Variants in KCNQ1 observed in about 807,000 individuals in gnomAD.
KCNQ1 encodes potassium voltage-gated channel subfamily KQT member 1.
A neutral mutation model predicts 72.4 loss-of-function variants in KCNQ1; 49 were observed. That is an observed-to-expected ratio of 0.68 (90% CI 0.54 to 0.86). The LOEUF (loss-of-function observed/expected upper bound fraction) is 0.86, where lower values mean the gene tolerates loss of function less well. Among genes scored for constraint, KCNQ1 ranks in the 40% least tolerant of loss-of-function variants. KCNQ1 has a pLI of 0.00. For missense variants in KCNQ1, 790 were observed against 945.1 expected, an observed-to-expected ratio of 0.84 and a Z score of 2.15; for synonymous variants, 450 against 412.6, an observed-to-expected ratio of 1.09 and a Z score of -1.10.
rs946573009 is a variant in KCNQ1, at chr11:2,491,943, GA to G, written c.387-35978del. On this transcript the variant is annotated intron_variant, in intron 1 of 15. Coordinates refer to ENST00000155840, the MANE Select transcript of KCNQ1 (RefSeq NM_000218.3). The surrounding 1 kb of genome is among the most constrained non-coding windows in gnomAD (Gnocchi z 4.1). ...ATTTAAGGTGCTGAAGGAAAAAAAA[GA>G]AAAAAACTTTTGCTCTAGAATAGTA... Among the ~76,000 whole-genome samples the G allele has an allele frequency of 6.6e-5, 10 of 152,138 alleles. No homozygotes were observed. Among genetic ancestry groups the G allele is most frequent in the African/African-American group, 1.9e-4 (8 of 41,510 alleles).
chr11:2,531,215 C>T lies in KCNQ1; in HGVS notation c.477+3197C>T, dbSNP rs142453522. On this transcript the variant is annotated intron_variant, in intron 2 of 15. Coordinates refer to ENST00000155840, the MANE Select transcript of KCNQ1 (RefSeq NM_000218.3). ...GCCCGTCTGCAGCTCGAGAATTAGA[C>T]GTGCCCTGGGCTCCACATGCCCGTC... Among the ~76,000 whole-genome samples the T allele has an allele frequency of 1.7e-3, 263 of 151,556 alleles. 12 individuals carry two copies. The highest frequency in any genetic ancestry group is 5.9e-3 in the African/African-American group (244 of 41,184).
At chr11:2,504,612 C>T (rs1459398057) in intron 1 of KCNQ1, among the ~76,000 whole-genome samples, 1 of 152,074 alleles carries the variant, frequency 6.6e-6, no homozygotes, top group Non-Finnish European at 1.5e-5. Flanking sequence ...GGAAAATTAG[C>T]TGGACTTGGT....
chr11:2,640,578 T>C (rs1458056269), intron 10 of KCNQ1: 1 of 343,522 alleles, frequency 2.9e-6, no homozygotes, highest in African/African-American at 2.9e-5. Context: ...TTTTTTTTTT[T>C]GACCGATACA....
chr11:2,633,101 A>G (rs1053173479), intron 10 of KCNQ1: 12 of 398,376 alleles, frequency 3.0e-5, no homozygotes, highest in African/African-American at 2.1e-4. Flanking sequence ...TTTTGAAAAC[A>G]GCCATTCTAA....
In KCNQ1 at chr11:2,599,577, A is replaced by G. The variant is rs1301039073; in HGVS notation, c.1393+10723A>G. ...GCTAGGACTGCCATAACAAAATACC[A>G]CAGGCTGGGTGGCTTAGACAGCAGA... On this transcript the variant is annotated intron_variant, in intron 10 of 15. Coordinates refer to ENST00000155840, the MANE Select transcript of KCNQ1 (RefSeq NM_000218.3). The surrounding 1 kb of genome is among the most constrained non-coding windows in gnomAD (Gnocchi z 4.7). 6.6e-6 allele frequency among the ~76,000 whole-genome samples: 1 copy of G among 152,216 alleles called. No individual in the cohort carries two copies. Among genetic ancestry groups the G allele is most frequent in the Non-Finnish European group, 1.5e-5 (1 of 68,036 alleles).
In KCNQ1 at chr11:2,645,310, A is replaced by G; in HGVS notation, c.1394-16651A>G. 2.5e-6 allele frequency: 1 copy of G among 398,672 alleles called. No homozygotes were observed. The highest frequency in any genetic ancestry group is 4.4e-6 in the Non-Finnish European group (1 of 226,152). 24.7% of individuals were successfully genotyped at this position (398,672 alleles called of 1,614,324 possible). On this transcript the variant is annotated intron_variant, in intron 10 of 15. Transcript: ENST00000155840. The surrounding 1 kb of genome is among the most constrained non-coding windows in gnomAD (Gnocchi z 5.8). ...AGCCCCCAGGAGTGCTCAGGTGCCA[A>G]CAATACTGGATAGGGCAGGGTGATC... is the stretch of plus-strand genomic sequence containing the variant.
chr11:2,599,808 A>G lies in KCNQ1; in HGVS notation c.1393+10954A>G, dbSNP rs1848776015. Among the ~76,000 whole-genome samples the G allele has an allele frequency of 6.6e-6, 1 of 152,196 alleles. No individual in the cohort carries two copies. Among genetic ancestry groups the G allele is most frequent in the African/African-American group, 2.4e-5 (1 of 41,448 alleles). On this transcript the variant is annotated intron_variant, in intron 10 of 15. Coordinates refer to ENST00000155840, the MANE Select transcript of KCNQ1 (RefSeq NM_000218.3). The surrounding 1 kb of genome is among the most constrained non-coding windows in gnomAD (Gnocchi z 4.7). ...TTAAGGGCACCAGTCACACTGGATT[A>G]GGGCCCACCCTAACAGCCTCATTGT...
At chr11:2,721,591 G>T (rs1049246985) in intron 11 of KCNQ1, among the ~76,000 whole-genome samples, 1 of 152,252 alleles carries the variant, frequency 6.6e-6, no homozygotes, top group East Asian at 1.9e-4. Flanking sequence ...GCTTTACTCC[G>T]CCTGCAGGGG....
chr11:2,524,997 A>T (rs557582645), intron 1 of KCNQ1, among the ~76,000 whole-genome samples: 2 of 152,268 alleles, frequency 1.3e-5, no homozygotes, highest in South Asian at 2.1e-4. Context: ...ACTGCAAATC[A>T]AAACAAACAG....
In KCNQ1 at chr11:2,787,086, G is replaced by A. The variant is rs1046017664; in HGVS notation, c.1794+9049G>A. On this transcript the variant is annotated intron_variant, in intron 15 of 15. Coordinates refer to ENST00000155840, the MANE Select transcript of KCNQ1 (RefSeq NM_000218.3). The surrounding 1 kb of genome is among the most constrained non-coding windows in gnomAD (Gnocchi z 6.3). ...CCATTGCCACATATGTGGGTGTACT[G>A]CCAGCCTGGACTTTTAATTCTAGGC... is the stretch of plus-strand genomic sequence containing the variant. Among the ~76,000 whole-genome samples the A allele has an allele frequency of 6.6e-6, 1 of 151,792 alleles. No homozygotes were observed. Among genetic ancestry groups the A allele is most frequent in the Non-Finnish European group, 1.5e-5 (1 of 67,994 alleles).
intron 15 of KCNQ1, among the ~76,000 whole-genome samples, chr11:2,806,570 C>T (rs370648231): frequency 6.6e-6 from 1 of 152,222 alleles, no homozygotes; most frequent in East Asian, 1.9e-4. Context: ...TCTGTGCTCC[C>T]CACCGAGCAG....
Position 2,562,443 on chromosome 11 carries a change from G to A in KCNQ1, c.478-8185G>A, listed in dbSNP as rs1378988109. On this transcript the variant is annotated intron_variant, in intron 2 of 15. Coordinates refer to ENST00000155840, the MANE Select transcript of KCNQ1 (RefSeq NM_000218.3). This position sits in a 1 kb window ranked among gnomAD's most constrained non-coding sequence, Gnocchi z 7.5. ...CTCTGTGGCTTATCAGGGCCGGGCC[G>A]GTGTGGAGTTGGAACAGCTGGCCCC... 2.0e-5 allele frequency among the ~76,000 whole-genome samples: 3 copies of A among 152,206 alleles called. No individual in the cohort carries two copies. Among genetic ancestry groups the A allele is most frequent in the Admixed American group, 1.3e-4 (2 of 15,290 alleles).
rs977392475 is a variant in KCNQ1 at position 2,781,652 on chromosome 11, T to C, written c.1794+3615T>C. Among the ~76,000 whole-genome samples the C allele has an allele frequency of 3.3e-5, 5 of 152,230 alleles. No individual in the cohort carries two copies. The highest frequency in any genetic ancestry group is 1.2e-4 in the African/African-American group (5 of 41,470). On this transcript the variant is annotated intron_variant, in intron 15 of 15. Transcript: ENST00000155840. The surrounding 1 kb of genome is among the most constrained non-coding windows in gnomAD (Gnocchi z 6.6). Reference sequence around the variant, plus strand: ...AGCCCTCCTCCCCCAGCAAGTATTCTTAGCTTGGTCTCCAGGACCTGCCAC... The same window carrying C: ...AGCCCTCCTCCCCCAGCAAGTATTCCTAGCTTGGTCTCCAGGACCTGCCAC...
chr11:2,848,005 G>T lies in KCNQ1; in HGVS notation c.*2G>T, dbSNP rs977184677. 49 of 1,541,190 alleles carry T rather than the reference G, an allele frequency of 3.2e-5. No individual in the cohort carries two copies. The highest frequency in any genetic ancestry group is 4.1e-5 in the African/African-American group (3 of 73,334). On this transcript the variant is annotated 3_prime_UTR_variant, in exon 16 of 16. Transcript: ENST00000155840. ...AGGGGCCCCGATGAGGGGTCCTGAG[G>T]AGGGGATGGGGCTGGGGGATGGGCC...
At position 2,645,115 on chromosome 11, in the gene KCNQ1, T is replaced by G. The variant is rs1257216352; in HGVS notation, c.1394-16846T>G. 13 of 398,526 alleles carry G rather than the reference T, an allele frequency of 3.3e-5. No individual in the cohort carries two copies. The highest frequency in any genetic ancestry group is 4.4e-6 in the Non-Finnish European group (1 of 226,112). 24.7% of individuals were successfully genotyped at this position (398,526 alleles called of 1,614,324 possible). On this transcript the variant is annotated intron_variant, in intron 10 of 15. Transcript: ENST00000155840. This position sits in a 1 kb window ranked among gnomAD's most constrained non-coding sequence, Gnocchi z 5.8. ...TGAGCTCTGAGCAGCAGATATGGCTTGGGCAATGGCAGTAGCAGTGGCAGA... is the reference window on the plus strand; with the variant it reads ...TGAGCTCTGAGCAGCAGATATGGCTGGGGCAATGGCAGTAGCAGTGGCAGA...
rs532013558 is a variant in KCNQ1, at chr11:2,527,568, G to A, written c.387-360G>A. ...AAAACCCCACGCCCACAGCAGTCCC[G>A]CCCTGGGGCAGCCACCAGCCTGCTT... On this transcript the variant is annotated intron_variant, in intron 1 of 15. Coordinates refer to ENST00000155840, the MANE Select transcript of KCNQ1 (RefSeq NM_000218.3). Among the ~76,000 whole-genome samples the A allele has an allele frequency of 6.6e-5, 10 of 152,300 alleles. No homozygotes were observed. In the East Asian group the frequency reaches 1.7e-3, roughly 27 times the overall value.
Position 2,725,471 on chromosome 11 carries a change from G to T in KCNQ1, c.1515-43373G>T, listed in dbSNP as rs1845742894. On this transcript the variant is annotated intron_variant, in intron 11 of 15. Coordinates refer to ENST00000155840, the MANE Select transcript of KCNQ1 (RefSeq NM_000218.3). The surrounding 1 kb of genome is among the most constrained non-coding windows in gnomAD (Gnocchi z 7.2). Reference sequence around the variant, plus strand: ...GTGGAGGTGACCTGCCATTTGTCCGGTTGGGGGTCCCCAATCGTCTTCGAG... The same window carrying T: ...GTGGAGGTGACCTGCCATTTGTCCGTTTGGGGGTCCCCAATCGTCTTCGAG... 1.3e-5 allele frequency among the ~76,000 whole-genome samples: 2 copies of T among 152,322 alleles called. No individual in the cohort carries two copies. The highest frequency in any genetic ancestry group is 2.4e-5 in the African/African-American group (1 of 41,568).
rs192907262 is a variant in KCNQ1 at position 2,467,142 on chromosome 11, C to T, written c.386+21658C>T. The stretch of plus-strand genomic sequence containing the variant: ...GCCGGGCAGGGTTGGTCAGCAGGTC[C>T]GAGGGCCTGGGCCTCCCTGGGGTGA... On this transcript the variant is annotated intron_variant, in intron 1 of 15. Transcript: ENST00000155840. Among the ~76,000 whole-genome samples, 453 of 152,220 alleles carry T rather than the reference C, an allele frequency of 3.0e-3. 3 individuals are homozygous for T. The highest frequency in any genetic ancestry group is 0.01 in the African/African-American group (424 of 41,544).
rs966142456 is a variant in KCNQ1 at position 2,507,892 on chromosome 11, G to A, written c.387-20036G>A. Among the ~76,000 whole-genome samples, 6 of 152,144 alleles carry A rather than the reference G, an allele frequency of 3.9e-5. No homozygotes were observed. The highest frequency in any genetic ancestry group is 8.8e-5 in the Non-Finnish European group (6 of 68,012). Reference sequence around the variant, plus strand: ...CTGCAGCCTCCACAGGGGCAATGGAGGAAGAACAAAGGACTCTGTGTTGAG... The same window carrying A: ...CTGCAGCCTCCACAGGGGCAATGGAAGAAGAACAAAGGACTCTGTGTTGAG... On this transcript the variant is annotated intron_variant, in intron 1 of 15. Coordinates refer to ENST00000155840, the MANE Select transcript of KCNQ1 (RefSeq NM_000218.3). The surrounding 1 kb of genome is among the most constrained non-coding windows in gnomAD (Gnocchi z 5.4).
Sources: allele counts gnomAD v4.1 joint callset (sites outside exome capture counted in the v4.1 genomes callset), GRCh38; gene constraint gnomAD v4.1.1; non-coding constraint Gnocchi (gnomAD v3.1); transcripts MANE v1.5; gene names NCBI Gene and HGNC (gene_info 2026-07-23, HGNC 2026-07-21).